UBAC1: variants seen among roughly 807,000 people sequenced by gnomAD.
The protein encoded by UBAC1 is UBA domain containing 1.
Under a neutral mutation model 45.9 loss-of-function variants are expected in UBAC1, and 27 were observed. The ratio of observed to expected loss-of-function variants is 0.59; its 90% CI spans 0.43 to 0.81. The LOEUF (loss-of-function observed/expected upper bound fraction) is 0.81, where lower values mean the gene tolerates loss of function less well. UBAC1 is among the 30% of genes least tolerant of loss of function. The pLI, the probability that UBAC1 is intolerant of heterozygous loss-of-function variation, is 0.00. For synonymous variants in UBAC1, 227 were observed against 215.5 expected, an observed-to-expected ratio of 1.05 and a Z score of -0.47; for missense variants, 529 against 539.2, an observed-to-expected ratio of 0.98 and a Z score of 0.19.
At position 135,945,199 on chromosome 9, in the gene UBAC1, C is replaced by T. The variant is rs774235177; in HGVS notation, c.705G>A (p.Pro235=). ...MEWLIEHAED[P]TIDTPLPGQA... The stretch of plus-strand genomic sequence containing the variant: ...GGCCAGGAAGAGGCGTGTCTATGGT[C>T]GGGTCTTCTGCGTGTTCAATTAGCC... Residue 235 remains proline (P), a synonymous_variant, in exon 7 of 10, where the codon CCG becomes CCA. Coordinates refer to ENST00000371756, the MANE Select transcript of UBAC1 (RefSeq NM_016172.3). 4 of 1,611,674 alleles carry T rather than the reference C, an allele frequency of 2.5e-6. No individual in the cohort carries two copies. The highest frequency in any genetic ancestry group is 2.2e-5 in the South Asian group (2 of 90,766).
At chr9:135,939,494 C>T (rs1273058936) in intron 8 of UBAC1, among the ~76,000 whole-genome samples, 179 bp downstream of exon 8, 1 of 149,962 alleles carries the variant, frequency 6.7e-6, no homozygotes, top group Non-Finnish European at 1.5e-5. Context: ...CTCACCACAG[C>T]CCACACTCAC....
intron 9 of UBAC1, among the ~76,000 whole-genome samples, 198 bp from the exon 10 acceptor site, chr9:135,933,713 C>G (rs1256143916): frequency 6.6e-6 from 1 of 152,214 alleles, no homozygotes; most frequent in Non-Finnish European, 1.5e-5. Context: ...CAAATCAGAT[C>G]TGATCACAGA....
intron 9 of UBAC1, among the ~76,000 whole-genome samples, chr9:135,935,607 G>A (rs1411533534): frequency 6.6e-6 from 1 of 152,168 alleles, no homozygotes; most frequent in Non-Finnish European, 1.5e-5. Flanking sequence ...ACTCCAGCCT[G>A]GGTGACAGAT....
chr9:135,942,789 G>T (rs865933497), intron 7 of UBAC1, among the ~76,000 whole-genome samples: 1 of 152,248 alleles, frequency 6.6e-6, no homozygotes, highest in Non-Finnish European at 1.5e-5. Flanking sequence ...TGCCCTGGGA[G>T]GGCGGGGTCT....
chr9:135,938,204 T>G lies in UBAC1; in HGVS notation c.1102+18A>C. The G allele has an allele frequency of 6.2e-7, 1 of 1,612,334 alleles. No homozygotes were observed. Among genetic ancestry groups the G allele is most frequent in the Non-Finnish European group, 8.5e-7 (1 of 1,179,154 alleles). On this transcript the variant is annotated intron_variant, in intron 9 of 9. Transcript: ENST00000371756. ...AGCCTCCCCGACCCGAGACTTAGCA[T>G]AAAGAAGGCGCACATACCTAGCAAT...
chr9:135,949,767 GGCTGCACA>G (rs1839384940), intron 3 of UBAC1, among the ~76,000 whole-genome samples: 1 of 152,250 alleles, frequency 6.6e-6, no homozygotes, highest in African/African-American at 2.4e-5. Context: ...GCCCGTGCGT[GGCTGCACA>G]GCATGAGCAG....
chr9:135,949,833 T>A (rs897362189), intron 3 of UBAC1, among the ~76,000 whole-genome samples: 2 of 152,230 alleles, frequency 1.3e-5, no homozygotes, highest in African/African-American at 4.8e-5. Flanking sequence ...CACAGCCGAC[T>A]GTGGGGAAAG....
intron 7 of UBAC1, among the ~76,000 whole-genome samples, chr9:135,942,596 G>A (rs1248720168): frequency 6.7e-6 from 1 of 150,204 alleles, no homozygotes; most frequent in Non-Finnish European, 1.5e-5. Context: ...AGGCTGCAGT[G>A]AGCCATGATT....
intron 1 of UBAC1, among the ~76,000 whole-genome samples, chr9:135,955,947 C>G (rs143168319): frequency 6.6e-6 from 1 of 152,116 alleles, no homozygotes; most frequent in Non-Finnish European, 1.5e-5. Flanking sequence ...TGCTGCATCC[C>G]GAGATTGGGA....
At chr9:135,949,335 G>T (rs1383291479) in intron 3 of UBAC1, among the ~76,000 whole-genome samples, 1 of 152,106 alleles carries the variant, frequency 6.6e-6, no homozygotes, top group Non-Finnish European at 1.5e-5. Flanking sequence ...AAGAAAACAA[G>T]GAGATCAAAA....
Position 135,947,776 on chromosome 9 carries a change from G to C in UBAC1, c.441+22C>G, listed in dbSNP as rs1285379118. On this transcript the variant is annotated intron_variant, in intron 4 of 9. Transcript: ENST00000371756. Reference sequence around the variant, plus strand: ...CACACGGGGACCCCATGCACCCGCCGCCGCTCTGGGCTGACACTCACGTCT... The same window carrying C: ...CACACGGGGACCCCATGCACCCGCCCCCGCTCTGGGCTGACACTCACGTCT... 3 of 1,599,934 alleles carry C rather than the reference G, an allele frequency of 1.9e-6. No individual in the cohort carries two copies. In the South Asian group the frequency reaches 3.3e-5, roughly 18 times the overall value.
chr9:135,937,337 A>C (rs1284334342), intron 9 of UBAC1, among the ~76,000 whole-genome samples: 1 of 150,264 alleles, frequency 6.7e-6, no homozygotes, highest in Non-Finnish European at 1.5e-5. Flanking sequence ...GGTACTCAGG[A>C]GGCTGAGGCA....
intron 7 of UBAC1, among the ~76,000 whole-genome samples, chr9:135,941,143 C>T (rs942730979): frequency 3.9e-5 from 6 of 152,226 alleles, no homozygotes; most frequent in South Asian, 4.1e-4. Context: ...CAGTGGCTCA[C>T]GCCTGTAATC....
At position 135,939,730 on chromosome 9, in the gene UBAC1, G is replaced by A. The variant is rs759911867; in HGVS notation, c.906C>T (p.Phe302=). 28 of 1,613,816 alleles carry A rather than the reference G, an allele frequency of 1.7e-5. No homozygotes were observed. Among genetic ancestry groups the A allele is most frequent in the Non-Finnish European group, 2.3e-5 (27 of 1,179,862 alleles). The change falls in exon 8 of 10, where the codon TTC becomes TTT. Residue 302 remains phenylalanine, a synonymous_variant. Coordinates refer to ENST00000371756, the MANE Select transcript of UBAC1 (RefSeq NM_016172.3). ...RAVISLMEMG[F]DEKEVIDALR... ...GGGCATCTATCACCTCTTTCTCGTC[G>A]AACCCCATCTCCATCAGGGAAATGA...
intron 7 of UBAC1, among the ~76,000 whole-genome samples, chr9:135,943,617 A>G (rs568694979): frequency 5.0e-4 from 76 of 152,332 alleles, no homozygotes; most frequent in Middle Eastern, 3.4e-3. Context: ...TATATACCCA[A>G]AGGAATAGAA....
rs750436422 is a variant in UBAC1, at chr9:135,946,256, G to C, written c.544+13C>G. ...GAACCGCCCTGGAATGCAGCATCGG[G>C]GTTGACTCATACCATTCGCCTTCTT... On this transcript the variant is annotated intron_variant, in intron 5 of 9. Coordinates refer to ENST00000371756, the MANE Select transcript of UBAC1 (RefSeq NM_016172.3). 6.3e-7 allele frequency: 1 copy of C among 1,575,980 alleles called. No individual in the cohort carries two copies. The highest frequency in any genetic ancestry group is 2.2e-5 in the East Asian group (1 of 44,688).
At chr9:135,960,932 C>T in intron 1 of UBAC1, 93 bp downstream of exon 1, 1 of 1,211,144 alleles carries the variant, frequency 8.3e-7, no homozygotes, top group Non-Finnish European at 1.1e-6. Context: ...GGCGGCGGAC[C>T]CCAGGTCGGG....
intron 9 of UBAC1, among the ~76,000 whole-genome samples, chr9:135,935,616 A>G (rs950702261): frequency 6.6e-6 from 1 of 152,184 alleles, no homozygotes; most frequent in African/African-American, 2.4e-5. Context: ...TGGGTGACAG[A>G]TCAAGACCCT....
At chr9:135,937,914 T>C (rs1233621552) in intron 9 of UBAC1, among the ~76,000 whole-genome samples, 1 of 152,220 alleles carries the variant, frequency 6.6e-6, no homozygotes, top group East Asian at 1.9e-4. Flanking sequence ...CGTGAGTTCC[T>C]AAGCTGCTGG....
Sources: gnomAD v4.1 joint callset for allele counts (sites outside exome capture counted in the v4.1 genomes callset) on GRCh38, gnomAD v4.1.1 for gene constraint, MANE v1.5 for transcripts, NCBI Gene and HGNC (gene_info 2026-07-23, HGNC 2026-07-21) for gene names.